ZNF362: variants seen among roughly 807,000 people sequenced by gnomAD.
ZNF362 encodes the protein zinc finger protein 362, also known as rotund homolog.
A neutral mutation model predicts 42.9 loss-of-function variants in ZNF362; 11 were observed. The observed-to-expected ratio is 0.26, with a 90% CI of 0.16 to 0.42. ZNF362 has a LOEUF of 0.42. ZNF362 is among the 20% of genes least tolerant of loss of function. ZNF362 has a pLI of 1.00. For synonymous variants in ZNF362, 255 were observed against 257.3 expected (o/e 0.99, Z 0.09); for missense variants, 362 against 576.2 (o/e 0.63, Z 3.81).
In ZNF362 at chr1:33,300,259, A is replaced by G. The variant is rs1205970946; in HGVS notation, c.*1213A>G. Reference sequence around the variant, plus strand: ...TACACTTTTTAAGCCTTAACTCGCCATTGATTTACCAGTTTAACGTTTCCT... The same window carrying G: ...TACACTTTTTAAGCCTTAACTCGCCGTTGATTTACCAGTTTAACGTTTCCT... On this transcript the variant is annotated 3_prime_UTR_variant, in exon 9 of 9. Coordinates refer to ENST00000539719, the MANE Select transcript of ZNF362 (RefSeq NM_152493.3). 1 of 152,484 alleles carries G rather than the reference A, an allele frequency of 6.6e-6. No homozygotes were observed. The highest frequency in any genetic ancestry group is 1.5e-5 in the Non-Finnish European group (1 of 67,990). 9.4% of individuals were successfully genotyped at this position (152,484 alleles called of 1,614,324 possible). A position where few individuals can be genotyped will look rare whatever the true frequency, so the allele number is the denominator to read the frequency against.
chr1:33,167,921 G>C, the ZNF362 span, among the ~76,000 whole-genome samples: 5 of 152,210 alleles, frequency 3.3e-5, no homozygotes, highest in African/African-American at 1.2e-4. The surrounding 1 kb of genome is among the most constrained non-coding windows in gnomAD (Gnocchi z 4.2). Flanking sequence ...GCACTGTTGA[G>C]GCACTGGGAT....
the ZNF362 span, among the ~76,000 whole-genome samples, chr1:33,220,374 T>C: frequency 4.6e-5 from 7 of 152,164 alleles, no homozygotes; most frequent in African/African-American, 1.7e-4. Context: ...TTACATCCTC[T>C]AACCCTCAGT....
chr1:33,160,093 G>C, the ZNF362 span: 3 of 1,042,856 alleles, frequency 2.9e-6, no homozygotes, highest in Non-Finnish European at 4.1e-6. Flanking sequence ...GCAAAAGCAT[G>C]GTGGTAGGAA....
chr1:33,188,231 A>AAAAC, the ZNF362 span, among the ~76,000 whole-genome samples: 10,647 of 151,866 alleles, frequency 0.07, 874 homozygotes, highest in African/African-American at 0.2. Context: ...ACTTCATCTC[A>AAAAC]AAACAAACAA....
At chr1:33,210,729 C>T in the ZNF362 span, among the ~76,000 whole-genome samples, 1 of 152,038 alleles carries the variant, frequency 6.6e-6, no homozygotes, top group South Asian at 2.1e-4. Flanking sequence ...TCTGTTTTAT[C>T]AGAGACCCAG....
rs936250036 is a variant in ZNF362 at position 33,281,517 on chromosome 1, T to C, written c.684-70T>C. On this transcript the variant is annotated intron_variant, in intron 5 of 8. Coordinates refer to ENST00000539719, the MANE Select transcript of ZNF362 (RefSeq NM_152493.3). This position sits in a 1 kb window ranked among gnomAD's most constrained non-coding sequence, Gnocchi z 4.8. ...TGTCCCAGGTGCAAGGTCTCTCTGA[T>C]GTAGAAGGCCTCCCCTGAGATGGAC... The C allele has an allele frequency of 1.3e-6, 2 of 1,486,582 alleles. No individual in the cohort carries two copies. Among genetic ancestry groups the C allele is most frequent in the East Asian group, 4.5e-5 (2 of 44,146 alleles). 92.1% of individuals were successfully genotyped at this position (1,486,582 alleles called of 1,614,324 possible).
chr1:33,288,616 A>G (rs1415233320), intron 6 of ZNF362, among the ~76,000 whole-genome samples: 2 of 151,886 alleles, frequency 1.3e-5, no homozygotes, highest in Non-Finnish European at 2.9e-5. Flanking sequence ...ACAGTGGCAC[A>G]GGCCTGTAGT....
intron 6 of ZNF362, among the ~76,000 whole-genome samples, chr1:33,288,148 A>G (rs575868989): frequency 2.6e-5 from 4 of 152,338 alleles, no homozygotes; most frequent in African/African-American, 9.6e-5. Flanking sequence ...TATTATCCCC[A>G]TTTTAGAGAG....
the ZNF362 span, among the ~76,000 whole-genome samples, chr1:33,224,221 G>T: frequency 6.6e-6 from 1 of 152,050 alleles, no homozygotes; most frequent in African/African-American, 2.4e-5. Flanking sequence ...ATGTAAAGAT[G>T]GGAAATTTCA....
the ZNF362 span, among the ~76,000 whole-genome samples, chr1:33,203,594 T>C: frequency 6.6e-6 from 1 of 152,174 alleles, no homozygotes; most frequent in Non-Finnish European, 1.5e-5. Flanking sequence ...CCACCAACAG[T>C]GTACAAGGGT....
chr1:33,288,159 G>A (rs1352623458), intron 6 of ZNF362, among the ~76,000 whole-genome samples: 3 of 152,118 alleles, frequency 2.0e-5, no homozygotes, highest in East Asian at 3.8e-4. Context: ...TTTTAGAGAG[G>A]GGGAAACTGA....
At chr1:33,234,005 A>G in the ZNF362 span, among the ~76,000 whole-genome samples, 1 of 152,248 alleles carries the variant, frequency 6.6e-6, no homozygotes, top group Non-Finnish European at 1.5e-5. Flanking sequence ...GGCCTGACAC[A>G]TAGGAAGTAC....
the ZNF362 span, among the ~76,000 whole-genome samples, chr1:33,248,710 G>A: frequency 6.6e-6 from 1 of 152,142 alleles, no homozygotes; most frequent in Non-Finnish European, 1.5e-5. Flanking sequence ...CCAGTGCCAA[G>A]CCAGGCAACC....
At chr1:33,160,073 A>G in the ZNF362 span, 2 of 1,189,640 alleles carry the variant, frequency 1.7e-6, no homozygotes, top group Admixed American at 2.4e-5. Context: ...TGGTGGGGGA[A>G]ATGTCACATG....
At chr1:33,137,864 C>T in the ZNF362 span, among the ~76,000 whole-genome samples, 3 of 152,210 alleles carry the variant, frequency 2.0e-5, no homozygotes, top group African/African-American at 7.2e-5. Context: ...CAGAGGGCTT[C>T]CCTTGCCTCA....
chr1:33,258,729 AC>A (rs1645810441), intron 1 of ZNF362, among the ~76,000 whole-genome samples: 2 of 151,644 alleles, frequency 1.3e-5, no homozygotes, highest in Non-Finnish European at 2.9e-5. Flanking sequence ...ACCCCCTCCT[AC>A]CCCCGCCATC....
In ZNF362 at chr1:33,266,657, C is replaced by T. The variant is rs1457190796; in HGVS notation, c.-88-3830C>T. Reference sequence around the variant, plus strand: ...CCCACAGCCTACATGGGGGACTGGACAAATAACCAGATAACCAGACAGTTC... The same window carrying T: ...CCCACAGCCTACATGGGGGACTGGATAAATAACCAGATAACCAGACAGTTC... On this transcript the variant is annotated intron_variant, in intron 1 of 8. Coordinates refer to ENST00000539719, the MANE Select transcript of ZNF362 (RefSeq NM_152493.3). The surrounding 1 kb of genome is among the most constrained non-coding windows in gnomAD (Gnocchi z 4.3). Among the ~76,000 whole-genome samples the T allele has an allele frequency of 6.6e-6, 1 of 152,168 alleles. No homozygotes were observed. Among genetic ancestry groups the T allele is most frequent in the Admixed American group, 6.5e-5 (1 of 15,284 alleles).
chr1:33,152,422 C>T, the ZNF362 span, among the ~76,000 whole-genome samples: 4 of 152,228 alleles, frequency 2.6e-5, no homozygotes, highest in East Asian at 7.7e-4. Context: ...AAAAAATTAG[C>T]GGCGCATGGT....
the ZNF362 span, among the ~76,000 whole-genome samples, chr1:33,230,555 T>C: frequency 6.6e-6 from 1 of 152,236 alleles, no homozygotes; most frequent in African/African-American, 2.4e-5. Context: ...TTCACATGTG[T>C]CGGGCCCAGT....
Sources: allele counts gnomAD v4.1 joint callset (sites outside exome capture counted in the v4.1 genomes callset), GRCh38; gene constraint gnomAD v4.1.1; non-coding constraint Gnocchi (gnomAD v3.1); transcripts MANE v1.5; gene names NCBI Gene and HGNC (gene_info 2026-07-23, HGNC 2026-07-21).